The following RCL1 variants were observed in gnomAD, a reference collection of about 807,000 sequenced individuals.
RCL1 encodes the protein RNA terminal phosphate cyclase like 1.
RCL1 carries 24 observed loss-of-function variants against 42.4 expected under a neutral mutation model. The ratio of observed to expected loss-of-function variants is 0.57; its 90% CI spans 0.41 to 0.80. The LOEUF is 0.80. RCL1 is among the 30% of genes least tolerant of loss of function. RCL1 has a pLI of 0.00. For missense variants in RCL1, 578 were observed against 467.9 expected (o/e 1.24, Z -2.17); for synonymous variants, 228 against 177.3 (o/e 1.29, Z -2.27).
intron 7 of RCL1, among the ~76,000 whole-genome samples, chr9:4,848,262 G>A (rs747052601): frequency 1.6e-4 from 24 of 152,178 alleles, no homozygotes; most frequent in Non-Finnish European, 2.9e-4. Context: ...TCTAAATGTT[G>A]TTTTCTGTCC....
At chr9:4,816,386 G>A (rs1231628658) in intron 1 of RCL1, among the ~76,000 whole-genome samples, 1 of 152,068 alleles carries the variant, frequency 6.6e-6, no homozygotes, top group Non-Finnish European at 1.5e-5. Context: ...CATTCTCTGT[G>A]AACTTTAAAG....
intron 2 of RCL1, 27 bp from the exon 3 acceptor site, chr9:4,826,831 A>G: frequency 6.3e-7 from 1 of 1,577,364 alleles, no homozygotes; most frequent in Non-Finnish European, 8.6e-7. Flanking sequence ...TTCCTGCTGA[A>G]TGTGGCTCTT....
At chr9:4,851,112 T>C (rs1817733370) in intron 8 of RCL1, among the ~76,000 whole-genome samples, 1 of 152,214 alleles carries the variant, frequency 6.6e-6, no homozygotes, top group Admixed American at 6.5e-5. Flanking sequence ...GCTCAAGATA[T>C]GACTGGACAT....
rs999792100 is a variant in RCL1 at position 4,834,183 on chromosome 9, G to A, written c.502G>A (p.Val168Ile). ...GCCTCCCGGAGGAGGAGGCGAAGTG[G>A]TTTTCTCATGTCCTGTGAGGAAGGT... ...GMPPGGGGEV[V>I]FSCPVRKVLK... The change falls in exon 5 of 9, where the codon GTT becomes ATT. Residue 168 changes from valine to isoleucine, a missense_variant. By Grantham distance (29) the Val-to-Ile change is conservative (BLOSUM62 3). Coordinates refer to ENST00000381750, the MANE Select transcript of RCL1 (RefSeq NM_005772.5). 1.2e-6 allele frequency: 2 copies of A among 1,613,732 alleles called. No homozygotes were observed. The highest frequency in any genetic ancestry group is 1.7e-6 in the Non-Finnish European group (2 of 1,179,774).
intron 1 of RCL1, among the ~76,000 whole-genome samples, chr9:4,801,718 C>CTTT (rs57255135): frequency 1.8e-5 from 2 of 111,468 alleles, no homozygotes; most frequent in Non-Finnish European, 4.0e-5. Flanking sequence ...GGTTGCGATT[C>CTTT]TTTTTTTTTT....
intron 1 of RCL1, among the ~76,000 whole-genome samples, chr9:4,818,453 G>A (rs10974799): frequency 1.3e-5 from 2 of 152,188 alleles, no homozygotes; most frequent in South Asian, 4.1e-4. Flanking sequence ...TTGCAAGTGA[G>A]TGGATGTCTT....
At chr9:4,849,151 G>T (rs1391914389) in intron 7 of RCL1, among the ~76,000 whole-genome samples, 16 of 139,282 alleles carry the variant, frequency 1.1e-4, no homozygotes, top group Non-Finnish European at 2.1e-4. Context: ...CTGCTTTAAT[G>T]ATAAAGGGAA....
chr9:4,810,084 T>C (rs143548571), intron 1 of RCL1, among the ~76,000 whole-genome samples: 1,907 of 152,348 alleles, frequency 0.013, 18 homozygotes, highest in Middle Eastern at 0.024. Context: ...TGCTTTGGCC[T>C]CCCAAAGTGC....
intron 1 of RCL1, among the ~76,000 whole-genome samples, chr9:4,808,569 A>C (rs1212110077): frequency 6.6e-6 from 1 of 152,166 alleles, no homozygotes; most frequent in Admixed American, 6.5e-5. Context: ...TCGGCCTCCC[A>C]GTGTGCTGGG....
At chr9:4,803,892 T>C (rs2130970648) in intron 1 of RCL1, 1 of 153,842 alleles carries the variant, frequency 6.5e-6, no homozygotes, top group South Asian at 2.0e-4. Flanking sequence ...CAATAGTGCC[T>C]GGTCAGTTCA....
chr9:4,852,183 T>C (rs1285914685), intron 8 of RCL1, among the ~76,000 whole-genome samples: 1 of 152,186 alleles, frequency 6.6e-6, no homozygotes, highest in East Asian at 1.9e-4. Flanking sequence ...GTCCGGCCAA[T>C]GTGAAACTCT....
chr9:4,849,040 C>T lies in RCL1; in HGVS notation c.868-407C>T, dbSNP rs115256030. Among the ~76,000 whole-genome samples the T allele has an allele frequency of 3.9e-3, 597 of 151,510 alleles. 2 individuals are homozygous for T. Among genetic ancestry groups the T allele is most frequent in the African/African-American group, 0.013 (537 of 41,254 alleles). On this transcript the variant is annotated intron_variant, in intron 7 of 8. Coordinates refer to ENST00000381750, the MANE Select transcript of RCL1 (RefSeq NM_005772.5). ...CTGTGACAGATTCAATAAATATGAG[C>T]GTCATCCACTTAACCCTTGGAATTA...
chr9:4,828,103 G>A lies in RCL1; in HGVS notation c.384+1070G>A, dbSNP rs190259679. On this transcript the variant is annotated intron_variant, in intron 3 of 8. Coordinates refer to ENST00000381750, the MANE Select transcript of RCL1 (RefSeq NM_005772.5). ...CGGGAGACTGAGGCAGGAGAATGGC[G>A]TGAACCTGGGAGGCAGAGCTTGCAG... 4.3e-4 allele frequency among the ~76,000 whole-genome samples: 65 copies of A among 150,500 alleles called. 1 individual carries two copies. In the East Asian group the frequency reaches 9.4e-3, roughly 22 times the overall value.
At chr9:4,809,539 A>G (rs1587699249) in intron 1 of RCL1, among the ~76,000 whole-genome samples, 1 of 151,796 alleles carries the variant, frequency 6.6e-6, no homozygotes, top group South Asian at 2.1e-4. Context: ...CGATCTCCTG[A>G]CCTTGTGATT....
intron 1 of RCL1, chr9:4,804,552 C>T (rs1423757116): frequency 6.6e-6 from 1 of 152,460 alleles, no homozygotes; most frequent in Non-Finnish European, 1.5e-5. Context: ...GTCCAGTCGC[C>T]CAGGGGTCTC....
At chr9:4,809,105 G>C (rs948290763) in intron 1 of RCL1, among the ~76,000 whole-genome samples, 1 of 144,954 alleles carries the variant, frequency 6.9e-6, no homozygotes, top group South Asian at 2.2e-4. Flanking sequence ...GCTTCTTAAG[G>C]TTTTTTTTTT....
At chr9:4,829,987 G>A (rs551101853) in intron 3 of RCL1, among the ~76,000 whole-genome samples, 99 of 152,336 alleles carry the variant, frequency 6.5e-4, no homozygotes, top group African/African-American at 2.3e-3. Context: ...AAGGGACTGA[G>A]AATGGAAGAA....
chr9:4,860,142 A>G lies in RCL1; in HGVS notation c.989A>G (p.His330Arg). 5 of 1,590,410 alleles carry G rather than the reference A, an allele frequency of 3.1e-6. No individual in the cohort carries two copies. The highest frequency in any genetic ancestry group is 3.4e-6 in the Non-Finnish European group (4 of 1,171,232). ...LSPYTIEFLRHLKSFFQIMFK... is the reference protein window; with the variant it reads ...LSPYTIEFLRRLKSFFQIMFK... ...CTTTTTAGGATAGAATTTTTGCGGC[A>G]TTTGAAGAGCTTTTTCCAGATTATG... Residue 330 changes from histidine (H) to arginine (R), a missense_variant, in exon 9 of 9, where the codon CAT becomes CGT. Physicochemically the swap from His to Arg is conservative, Grantham distance 29 (BLOSUM62 0). Coordinates refer to ENST00000381750, the MANE Select transcript of RCL1 (RefSeq NM_005772.5).
intron 1 of RCL1, among the ~76,000 whole-genome samples, chr9:4,807,395 C>A (rs1448500147): frequency 1.3e-5 from 2 of 152,216 alleles, no homozygotes; most frequent in Non-Finnish European, 2.9e-5. Flanking sequence ...AAAGCAATTA[C>A]ATTTTTGTCT....
Sources: allele counts gnomAD v4.1 joint callset (sites outside exome capture counted in the v4.1 genomes callset), GRCh38; gene constraint gnomAD v4.1.1; transcripts MANE v1.5; gene names NCBI Gene and HGNC (gene_info 2026-07-23, HGNC 2026-07-21).